Variants in SLC43A2 observed in about 807,000 individuals in gnomAD.
The protein encoded by SLC43A2 is solute carrier family 43 member 2.
In SLC43A2, 38 loss-of-function variants were observed where a neutral mutation model predicts 63.2. The ratio of observed to expected loss-of-function variants is 0.60; its 90% CI spans 0.46 to 0.79. The LOEUF (loss-of-function observed/expected upper bound fraction) is 0.79. SLC43A2 is among the 30% of genes least tolerant of loss of function. SLC43A2 has a pLI of 0.00. For synonymous variants in SLC43A2, 322 were observed against 331.0 expected, an observed-to-expected ratio of 0.97 and a Z score of 0.30; for missense variants, 644 against 756.2, an observed-to-expected ratio of 0.85 and a Z score of 1.74.
rs1233097629 is a variant in SLC43A2, at chr17:1,573,120, G to A, written c.*2484C>T. 2 of 144,214 alleles carry A rather than the reference G, an allele frequency of 1.4e-5. No homozygotes were observed. The highest frequency in any genetic ancestry group is 3.0e-5 in the Non-Finnish European group (2 of 67,356). 8.9% of individuals were successfully genotyped at this position (144,214 alleles called of 1,614,324 possible). On this transcript the variant is annotated 3_prime_UTR_variant, in exon 14 of 14. Coordinates refer to ENST00000301335, the MANE Select transcript of SLC43A2 (RefSeq NM_152346.3). ...GAGCCCATGAGTTGGAGGCCGTGGTGAGCTATCAGTTGCACCACTGCACTC... is the reference window on the plus strand; with the variant it reads ...GAGCCCATGAGTTGGAGGCCGTGGTAAGCTATCAGTTGCACCACTGCACTC...
At position 1,571,641 on chromosome 17, in the gene SLC43A2, C is replaced by CA. The variant is rs1435344915; in HGVS notation, c.*3962dup. 1 of 152,396 alleles carries CA rather than the reference C, an allele frequency of 6.6e-6. No homozygotes were observed. The highest frequency in any genetic ancestry group is 1.5e-5 in the Non-Finnish European group (1 of 68,184). 9.4% of individuals were successfully genotyped at this position (152,396 alleles called of 1,614,324 possible). On this transcript the variant is annotated 3_prime_UTR_variant, in exon 14 of 14. Transcript: ENST00000301335. This position sits in a 1 kb window ranked among gnomAD's most constrained non-coding sequence, Gnocchi z 5.2. ...GTGACGCCCCCCTCGGAGTGCACGG[C>CA]AGGCAAGGAAGGTTTAAACGGAAGT...
At chr17:1,621,500 G>A (rs988647335) in intron 2 of SLC43A2, among the ~76,000 whole-genome samples, 6 of 152,232 alleles carry the variant, frequency 3.9e-5, no homozygotes, top group African/African-American at 7.2e-5. Flanking sequence ...CAGGGGAGAT[G>A]TAGGTGAGAG....
intron 6 of SLC43A2, 28 bp from the exon 7 acceptor site, chr17:1,591,727 G>GC (rs1555538843): frequency 6.2e-6 from 6 of 968,316 alleles, no homozygotes; most frequent in Admixed American, 4.4e-5. Context: ...GACGGGGTGG[G>GC]GGGGGGAGGG....
intron 2 of SLC43A2, among the ~76,000 whole-genome samples, chr17:1,619,923 G>C (rs1012337276): frequency 6.6e-6 from 1 of 152,202 alleles, no homozygotes; most frequent in Non-Finnish European, 1.5e-5. Context: ...TTCTACTGCT[G>C]CAAGCAGGAG....
At chr17:1,589,882 G>A (rs549786922) in intron 9 of SLC43A2, among the ~76,000 whole-genome samples, 2 of 152,320 alleles carry the variant, frequency 1.3e-5, no homozygotes, top group East Asian at 3.9e-4. Context: ...GCCTCCAAAA[G>A]GGCTAGGATT....
intron 2 of SLC43A2, among the ~76,000 whole-genome samples, chr17:1,618,765 G>A (rs530858241): frequency 2.6e-5 from 4 of 152,218 alleles, no homozygotes; most frequent in South Asian, 2.1e-4. Flanking sequence ...CGGGTGGATC[G>A]CCCGAGGTCA....
At chr17:1,584,042 C>T (rs1001182270) in intron 10 of SLC43A2, among the ~76,000 whole-genome samples, 2 of 151,832 alleles carry the variant, frequency 1.3e-5, no homozygotes, top group African/African-American at 4.8e-5. Context: ...ACTACAGGCA[C>T]GCGCCACCTT....
At chr17:1,629,649 C>T (rs1364560894), upstream of SLC43A2, among the ~76,000 whole-genome samples, 3 of 152,242 alleles carry the variant, frequency 2.0e-5, no homozygotes, top group Admixed American at 2.0e-4. Context: ...TCCGGGGACC[C>T]TCCACCCTTG....
At chr17:1,622,489 C>T (rs955402215) in intron 2 of SLC43A2, among the ~76,000 whole-genome samples, 12 of 151,790 alleles carry the variant, frequency 7.9e-5, no homozygotes, top group Non-Finnish European at 1.0e-4. Flanking sequence ...GGCGTGAACC[C>T]GGGAGGCGGA....
At chr17:1,628,997 A>G (rs1450700082), upstream of SLC43A2, 4 of 149,884 alleles carry the variant, frequency 2.7e-5, no homozygotes, top group African/African-American at 7.4e-5. Context: ...ACTCGGAGAC[A>G]AACAAGAGAG....
intron 11 of SLC43A2, among the ~76,000 whole-genome samples, chr17:1,581,738 C>T (rs1361731247): frequency 7.9e-5 from 12 of 152,180 alleles, no homozygotes; most frequent in Non-Finnish European, 1.8e-4. Flanking sequence ...GTGACAAGGG[C>T]CACCTTACTC....
Position 1,606,113 on chromosome 17 carries a change from C to A in SLC43A2, c.501+7082G>T, listed in dbSNP as rs1035403604. 1.3e-5 allele frequency among the ~76,000 whole-genome samples: 2 copies of A among 152,144 alleles called. No individual in the cohort carries two copies. Among genetic ancestry groups the A allele is most frequent in the African/African-American group, 4.8e-5 (2 of 41,430 alleles). The stretch of plus-strand genomic sequence containing the variant: ...GCAGGCACTGGGCACTGGCAAGTCC[C>A]GCTCACCAGGCACCTAGACCCTCCA... On this transcript the variant is annotated intron_variant, in intron 5 of 13. Transcript: ENST00000301335. The surrounding 1 kb of genome is among the most constrained non-coding windows in gnomAD (Gnocchi z 4.7).
At chr17:1,598,325 G>A (rs1197373137) in intron 5 of SLC43A2, among the ~76,000 whole-genome samples, 2 of 151,966 alleles carry the variant, frequency 1.3e-5, no homozygotes, top group Non-Finnish European at 2.9e-5. Context: ...GGAAGAGGCT[G>A]AGGCAGAATT....
Position 1,570,594 on chromosome 17 carries a change from C to A in SLC43A2, c.*5010G>T, listed in dbSNP as rs991256411. On this transcript the variant is annotated 3_prime_UTR_variant, in exon 14 of 14. Transcript: ENST00000301335. The stretch of plus-strand genomic sequence containing the variant: ...CTCCGCCTCCCGGGTTCACACCATT[C>A]TCCTGCCTCAGCCTCCCAAGTAGCT... The A allele has an allele frequency of 6.7e-6, 1 of 148,614 alleles. No individual in the cohort carries two copies. The highest frequency in any genetic ancestry group is 2.5e-5 in the African/African-American group (1 of 40,106). The allele number at this position is 148,614 out of a possible 1,614,324, so 9.2% of individuals were successfully genotyped here.
At position 1,573,074 on chromosome 17, in the gene SLC43A2, G is replaced by A. The variant is rs1222634527; in HGVS notation, c.*2530C>T. 2 of 151,626 alleles carry A rather than the reference G, an allele frequency of 1.3e-5. No individual in the cohort carries two copies. Among genetic ancestry groups the A allele is most frequent in the African/African-American group, 4.9e-5 (2 of 41,200 alleles). 9.4% of individuals were successfully genotyped at this position (151,626 alleles called of 1,614,324 possible). A position where few individuals can be genotyped will look rare whatever the true frequency, so the allele number is the denominator to read the frequency against. The stretch of plus-strand genomic sequence containing the variant: ...ACTTATAGTCCCAGATACTTAGGAG[G>A]CCGAGGTGGGAGGATCCCTTGAGCC... On this transcript the variant is annotated 3_prime_UTR_variant, in exon 14 of 14. Coordinates refer to ENST00000301335, the MANE Select transcript of SLC43A2 (RefSeq NM_152346.3).
rs1323015763 is a variant in SLC43A2 at position 1,577,892 on chromosome 17, C to CAG, written c.1424+356_1424+357dup. Among the ~76,000 whole-genome samples, 1 of 152,176 alleles carries CAG rather than the reference C, an allele frequency of 6.6e-6. No homozygotes were observed. The highest frequency in any genetic ancestry group is 2.4e-5 in the African/African-American group (1 of 41,450). ...ACTTCCGCATTTAGCTTCAGGCAGCCAGAACCTACCCATCCTTCCCAGTGA... is the reference window on the plus strand; with the variant it reads ...ACTTCCGCATTTAGCTTCAGGCAGCCAGAGAACCTACCCATCCTTCCCAGTGA... On this transcript the variant is annotated intron_variant, in intron 12 of 13. Coordinates refer to ENST00000301335, the MANE Select transcript of SLC43A2 (RefSeq NM_152346.3). This position sits in a 1 kb window ranked among gnomAD's most constrained non-coding sequence, Gnocchi z 4.9.
In SLC43A2 at chr17:1,578,204, T is replaced by C; in HGVS notation, c.1424+46A>G. ...CCACCAGCAACCTCCCCCCGGCCAT[T>C]CCCACACCCTCGCCCACCAGGCCAC... On this transcript the variant is annotated intron_variant, in intron 12 of 13. Transcript: ENST00000301335. This position sits in a 1 kb window ranked among gnomAD's most constrained non-coding sequence, Gnocchi z 6.5. 6.3e-7 allele frequency: 1 copy of C among 1,593,154 alleles called. No homozygotes were observed. Among genetic ancestry groups the C allele is most frequent in the Non-Finnish European group, 8.6e-7 (1 of 1,163,148 alleles).
intron 10 of SLC43A2, 58 bp downstream of exon 10, chr17:1,585,855 G>A (rs749078694): frequency 5.0e-6 from 8 of 1,611,234 alleles, no homozygotes; most frequent in Middle Eastern, 1.7e-4. Context: ...ATGCAGCTCT[G>A]GGGTCTTTCT....
At position 1,583,537 on chromosome 17, in the gene SLC43A2, A is replaced by C; in HGVS notation, c.1218-201T>G. 4 of 792,072 alleles carry C rather than the reference A, an allele frequency of 5.1e-6. No individual in the cohort carries two copies. The highest frequency in any genetic ancestry group is 7.6e-6 in the Non-Finnish European group (4 of 529,500). 49.1% of individuals were successfully genotyped at this position (792,072 alleles called of 1,614,324 possible). A position where few individuals can be genotyped will look rare whatever the true frequency, so the allele number is the denominator to read the frequency against. On this transcript the variant is annotated intron_variant, in intron 10 of 13. Transcript: ENST00000301335. The surrounding 1 kb of genome is among the most constrained non-coding windows in gnomAD (Gnocchi z 5.5). ...CCTTCTCAGTGGCAAGCTGAGTGTG[A>C]CTCTCGGAGGGGGTCTCGGGTACAA...
Sources: gnomAD v4.1 joint callset for allele counts (sites outside exome capture counted in the v4.1 genomes callset) on GRCh38, gnomAD v4.1.1 for gene constraint, Gnocchi (gnomAD v3.1) non-coding constraint, MANE v1.5 for transcripts, NCBI Gene and HGNC (gene_info 2026-07-23, HGNC 2026-07-21) for gene names.